TMEM74: variants seen among roughly 807,000 people sequenced by gnomAD.
TMEM74 encodes the protein transmembrane protein 74.
In TMEM74, 13 loss-of-function variants were observed where a neutral mutation model predicts 18.1. The ratio of observed to expected loss-of-function variants is 0.72; its 90% CI spans 0.47 to 1.14. TMEM74 has a LOEUF of 1.14. TMEM74 is among the 50% of genes most tolerant of loss of function. TMEM74 has a pLI of 0.00. For synonymous variants in TMEM74, 159 were observed against 146.6 expected, an observed-to-expected ratio of 1.08 and a Z score of -0.61; for missense variants, 372 against 375.9, an observed-to-expected ratio of 0.99 and a Z score of 0.09.
intron 1 of TMEM74, among the ~76,000 whole-genome samples, chr8:108,770,523 A>G (rs1387969875): frequency 6.6e-6 from 1 of 152,198 alleles, no homozygotes; most frequent in Non-Finnish European, 1.5e-5. Context: ...AAATAATGCC[A>G]TCTAGCTTCC....
intron 2 of TMEM74, among the ~76,000 whole-genome samples, chr8:108,620,893 T>C (rs1027277290): frequency 2.0e-5 from 3 of 152,128 alleles, no homozygotes; most frequent in Admixed American, 2.0e-4. Context: ...ATGATCAATG[T>C]CAGTAAGAGG....
rs1038386228 is a variant in TMEM74 at position 108,756,596 on chromosome 8, G to A, written n.119+30880C>T. Reference sequence around the variant, plus strand: ...AGAAAGAAAGAAAGAAAGAAAGAAAGAGAAAGGAAGGAAGGAAGGAAGGAA... The same window carrying A: ...AGAAAGAAAGAAAGAAAGAAAGAAAAAGAAAGGAAGGAAGGAAGGAAGGAA... On this transcript the variant is annotated intron_variant and non_coding_transcript_variant, in intron 1 of 3. Transcript: ENST00000518838. 4.4e-3 allele frequency among the ~76,000 whole-genome samples: 236 copies of A among 53,208 alleles called. 1 individual carries two copies. Among genetic ancestry groups the A allele is most frequent in the South Asian group, 7.4e-3 (12 of 1,626 alleles). 34.9% of individuals were successfully genotyped at this position (53,208 alleles called of 152,430 possible).
chr8:108,700,130 G>GGTGTGTGTGTGTGTGTGTGTGTGT (rs3049748), intron 1 of TMEM74, among the ~76,000 whole-genome samples: 1 of 143,074 alleles, frequency 7.0e-6, no homozygotes, highest in Admixed American at 6.9e-5. Context: ...GGCCATAAAT[G>GGTGTGTGTGTGTGTGTGTGTGTGT]GTGTGTGTGT....
At chr8:108,760,169 A>AGAGG (rs1444633602) in intron 1 of TMEM74, among the ~76,000 whole-genome samples, 4 of 150,920 alleles carry the variant, frequency 2.7e-5, no homozygotes, top group African/African-American at 9.8e-5. Flanking sequence ...AGAGAGAGAG[A>AGAGG]GAGAGGGAGA....
chr8:108,724,554 A>T (rs975830767), intron 1 of TMEM74, among the ~76,000 whole-genome samples: 5 of 152,306 alleles, frequency 3.3e-5, no homozygotes, highest in African/African-American at 1.2e-4. Flanking sequence ...TTAAGAGATG[A>T]TTAAATTTTT....
chr8:108,662,257 CA>C (rs936747516), intron 1 of TMEM74, among the ~76,000 whole-genome samples: 23 of 152,040 alleles, frequency 1.5e-4, no homozygotes, highest in African/African-American at 5.3e-4. Flanking sequence ...CAAACACACA[CA>C]TAAGACAGAA....
intron 1 of TMEM74, among the ~76,000 whole-genome samples, chr8:108,760,175 G>GGAGAGAGAGAGGGAGAGAGAGA (rs1554577609): frequency 3.7e-5 from 5 of 136,564 alleles, no homozygotes; most frequent in Non-Finnish European, 6.2e-5. Context: ...AGAGAGAGAG[G>GGAGAGAGAGAGGGAGAGAGAGA]GAGAGAGAGA....
At chr8:108,623,025 G>A (rs1011507250) in intron 2 of TMEM74, among the ~76,000 whole-genome samples, 1 of 151,986 alleles carries the variant, frequency 6.6e-6, no homozygotes, top group African/African-American at 2.4e-5. Flanking sequence ...AAACTATGGT[G>A]GTGTGGTTTT....
In TMEM74 at chr8:108,627,453, T is replaced by G. The variant is rs1812505785; in HGVS notation, n.265-18627A>C. ...AAGTAAGTCACCTGTAAAGTAGGGA[T>G]AATGCTAATCATGACCGCCTATGGT... is the stretch of plus-strand genomic sequence containing the variant. On this transcript the variant is annotated intron_variant and non_coding_transcript_variant, in intron 2 of 3. Transcript: ENST00000518838. Among the ~76,000 whole-genome samples, 5 of 152,054 alleles carry G rather than the reference T, an allele frequency of 3.3e-5. No individual in the cohort carries two copies. The South Asian group carries it at 1.0e-3, about 32-fold the overall frequency.
chr8:108,695,181 A>G (rs1813268076), intron 1 of TMEM74, among the ~76,000 whole-genome samples: 1 of 152,180 alleles, frequency 6.6e-6, no homozygotes, highest in African/African-American at 2.4e-5. Flanking sequence ...TCTTCTCAGT[A>G]CCAGAAGTAG....
chr8:108,617,305 G>A (rs967378080), intron 2 of TMEM74, among the ~76,000 whole-genome samples: 11 of 151,998 alleles, frequency 7.2e-5, no homozygotes, highest in Non-Finnish European at 8.8e-5. Context: ...GTAGTACTAC[G>A]GCCTATGGGT....
At chr8:108,613,846 C>T (rs1586233928) in intron 2 of TMEM74, among the ~76,000 whole-genome samples, 1 of 152,200 alleles carries the variant, frequency 6.6e-6, no homozygotes, top group East Asian at 1.9e-4. Context: ...AGGTAGATTA[C>T]CTGAATTCAA....
At chr8:108,764,878 G>A (rs1027380645) in intron 1 of TMEM74, among the ~76,000 whole-genome samples, 5 of 152,020 alleles carry the variant, frequency 3.3e-5, no homozygotes, top group African/African-American at 4.8e-5. Context: ...TCCCAGTTTC[G>A]CCAGATATGA....
At chr8:108,745,798 G>C (rs1403869989) in intron 1 of TMEM74, among the ~76,000 whole-genome samples, 2 of 152,100 alleles carry the variant, frequency 1.3e-5, no homozygotes, top group African/African-American at 2.4e-5. Context: ...CGCACCCTGG[G>C]CCTGGTAGTT....
chr8:108,732,476 A>G (rs1434385852), intron 1 of TMEM74, among the ~76,000 whole-genome samples: 1 of 152,198 alleles, frequency 6.6e-6, no homozygotes, highest in Non-Finnish European at 1.5e-5. Context: ...ACAAAGAAGC[A>G]CTTGATTTCA....
chr8:108,725,039 G>A (rs1224031824), intron 1 of TMEM74, among the ~76,000 whole-genome samples: 1 of 152,096 alleles, frequency 6.6e-6, no homozygotes, highest in African/African-American at 2.4e-5. Context: ...ACAAGCTACA[G>A]CCAAACTCTC....
chr8:108,740,072 G>C (rs549518901), intron 1 of TMEM74, among the ~76,000 whole-genome samples: 1 of 152,112 alleles, frequency 6.6e-6, no homozygotes, highest in Non-Finnish European at 1.5e-5. Context: ...TAAGGTACAT[G>C]TTCTGCTACT....
intron 1 of TMEM74, among the ~76,000 whole-genome samples, chr8:108,666,591 C>A (rs1812951589): frequency 6.6e-6 from 1 of 152,082 alleles, no homozygotes; most frequent in South Asian, 2.1e-4. Context: ...TGCTAATGTA[C>A]CCCTGCATAG....
At chr8:108,757,867 T>C (rs1813995614) in intron 1 of TMEM74, among the ~76,000 whole-genome samples, 1 of 152,022 alleles carries the variant, frequency 6.6e-6, no homozygotes, top group Non-Finnish European at 1.5e-5. Flanking sequence ...TATACTATTA[T>C]GTTTCTCACT....
Sources: gnomAD v4.1 joint callset for allele counts (sites outside exome capture counted in the v4.1 genomes callset) on GRCh38, gnomAD v4.1.1 for gene constraint, MANE v1.5 for transcripts, NCBI Gene and HGNC (gene_info 2026-07-23, HGNC 2026-07-21) for gene names.